Variants in IQGAP1 observed in about 807,000 individuals in gnomAD.
IQGAP1 encodes ras GTPase-activating-like protein IQGAP1.
Under a neutral mutation model 215.6 loss-of-function variants are expected in IQGAP1, and 66 were observed. The ratio of observed to expected loss-of-function variants is 0.31; its 90% CI spans 0.25 to 0.38. The LOEUF (loss-of-function observed/expected upper bound fraction) is 0.38, where lower values mean the gene tolerates loss of function less well. IQGAP1 is among the 10% of genes least tolerant of loss of function. The probability of loss-of-function intolerance (pLI) is 1.00; values close to 1 mark genes in which losing one functional copy is unlikely to be tolerated. For missense variants in IQGAP1, 1,712 were observed against 1,997.1 expected (o/e 0.86, Z 2.72); for synonymous variants, 772 against 728.7 (o/e 1.06, Z -0.96).
At chr15:90,451,948 G>C (rs1464683218) in intron 11 of IQGAP1, among the ~76,000 whole-genome samples, 1 of 151,678 alleles carries the variant, frequency 6.6e-6, no homozygotes, top group Non-Finnish European at 1.5e-5. Context: ...TCCTCTCTCA[G>C]CCTCCTGAGG....
In IQGAP1 at chr15:90,478,613, C is replaced by A. The variant is rs117499996; in HGVS notation, c.3329+724C>A. ...ATAAGGTGGTTAGGGAAAGCCTATC[C>A]CGGAAGATAAAATTTCATTTAGCTG... On this transcript the variant is annotated intron_variant, in intron 26 of 37. Transcript: ENST00000268182. 9.2e-5 allele frequency among the ~76,000 whole-genome samples: 14 copies of A among 152,138 alleles called. No individual in the cohort carries two copies. The East Asian group carries it at 1.5e-3, about 17-fold the overall frequency.
intron 11 of IQGAP1, among the ~76,000 whole-genome samples, chr15:90,450,381 G>A (rs1362028384): frequency 1.1e-5 from 1 of 91,014 alleles, no homozygotes; most frequent in Admixed American, 1.6e-4. Context: ...ATTCATTGAT[G>A]GACGCTTAGG....
In IQGAP1 at chr15:90,466,424, A is replaced by G. The variant is rs201622415; in HGVS notation, c.2023A>G (p.Lys675Glu). ...HSDLAEAKKKKLAVGDNNSKW... is the reference protein window; with the variant it reads ...HSDLAEAKKKELAVGDNNSKW... ...TGATCTTGCTGAAGCCAAGAAGAAA[A>G]AACTGGCAGTAGGTGAGTTCTGGGA... The change falls in exon 17 of 38, where the codon AAA becomes GAA. Residue 675 changes from lysine to glutamate, a missense_variant. Lys to Glu is a moderately conservative substitution (Grantham distance 56). Coordinates refer to ENST00000268182, the MANE Select transcript of IQGAP1 (RefSeq NM_003870.4). 1 of 1,614,078 alleles carries G rather than the reference A, an allele frequency of 6.2e-7. No individual in the cohort carries two copies. The highest frequency in any genetic ancestry group is 8.5e-7 in the Non-Finnish European group (1 of 1,179,988).
In IQGAP1 at chr15:90,491,486, G is replaced by A. The variant is rs886734325; in HGVS notation, c.4402G>A (p.Glu1468Lys). ...CCAGACAGGTTTAAAGAAGCTAACA[G>A]AGCTTGGAACCGTGGACCCAAAGAA... The part of the protein sequence containing the change: ...KIQTGLKKLT[E>K]LGTVDPKNKY... The change falls in exon 34 of 38, where the codon GAG becomes AAG. Residue 1468 changes from glutamate (E) to lysine (K), a missense_variant. Physicochemically the swap from Glu to Lys is moderately conservative, Grantham distance 56 (BLOSUM62 1). Around this residue, in one of 2 missense-constraint regions of IQGAP1, gnomAD observed 691 missense variants for 923.0 expected, o/e 0.75. Transcript: ENST00000268182. The A allele has an allele frequency of 8.1e-6, 13 of 1,614,062 alleles. No homozygotes were observed. Among genetic ancestry groups the A allele is most frequent in the Non-Finnish European group, 7.6e-6 (9 of 1,180,026 alleles).
chr15:90,388,486 G>T, intron 1 of IQGAP1, 90 bp downstream of exon 1: 2 of 1,152,922 alleles, frequency 1.7e-6, no homozygotes, highest in Admixed American at 3.3e-5. Flanking sequence ...CGGGCGGGTG[G>T]GGCAGGGCGG....
rs1376190534 is a variant in IQGAP1, at chr15:90,474,528, C to T, written c.2619C>T (p.Val873=). 18 of 1,614,036 alleles carry T rather than the reference C, an allele frequency of 1.1e-5. No individual in the cohort carries two copies. The highest frequency in any genetic ancestry group is 1.4e-5 in the Non-Finnish European group (16 of 1,180,028). ...CTATGGTTGTGGTCCGAAAATTTGT[C>T]CACCTGCTGGACCAAAGTGACCAGG... ...DPPMVVVRKF[V]HLLDQSDQDF... is the part of the protein sequence containing the mutation. Residue 873 remains valine (V), a synonymous_variant, in exon 23 of 38, where the codon GTC becomes GTT. Transcript: ENST00000268182.
intron 15 of IQGAP1, among the ~76,000 whole-genome samples, chr15:90,458,679 G>C (rs1211894233): frequency 6.6e-6 from 1 of 152,152 alleles, no homozygotes; most frequent in Non-Finnish European, 1.5e-5. Context: ...CTAATAAAAT[G>C]AATCAAAGAC....
intron 2 of IQGAP1, among the ~76,000 whole-genome samples, chr15:90,393,186 C>CAT (rs10701657): frequency 0.58 from 87,865 of 151,236 alleles, 27,449 homozygotes; most frequent in East Asian, 0.82. Context: ...GATCCAGACA[C>CAT]ATAGTAGTCC....
In IQGAP1 at chr15:90,463,818, G is replaced by T. The variant is rs73484510; in HGVS notation, c.1777-2183G>T. ...TCTTTCTAAAAGACTGCATTTAAGA[G>T]AAATCACTGCTTTCAATTTCAGATG... On this transcript the variant is annotated intron_variant, in intron 15 of 37. Coordinates refer to ENST00000268182, the MANE Select transcript of IQGAP1 (RefSeq NM_003870.4). 8.9e-3 allele frequency among the ~76,000 whole-genome samples: 1,352 copies of T among 152,296 alleles called. 23 individuals are homozygous for T. The highest frequency in any genetic ancestry group is 0.03 in the African/African-American group (1,234 of 41,548).
chr15:90,494,856 T>G, intron 36 of IQGAP1, 21 bp downstream of exon 36: 1 of 1,572,086 alleles, frequency 6.4e-7, no homozygotes, highest in Non-Finnish European at 8.6e-7. Flanking sequence ...GCTTTTTGTT[T>G]TATAAGTTGA....
chr15:90,452,741 C>A (rs778609528), intron 11 of IQGAP1, 34 bp from the exon 12 acceptor site: 21 of 1,609,336 alleles, frequency 1.3e-5, no homozygotes, highest in Non-Finnish European at 1.5e-5. Context: ...GCTCTCTAAG[C>A]CCACTGCGTT....
intron 9 of IQGAP1, among the ~76,000 whole-genome samples, chr15:90,445,250 T>G (rs1172666126): frequency 6.6e-6 from 1 of 152,102 alleles, no homozygotes; most frequent in African/African-American, 2.4e-5. Context: ...GTAGCGTTGT[T>G]AGACATATAA....
chr15:90,414,267 T>C (rs901724463), intron 2 of IQGAP1, among the ~76,000 whole-genome samples: 1 of 152,056 alleles, frequency 6.6e-6, no homozygotes, highest in African/African-American at 2.4e-5. Flanking sequence ...CAAGAATCTC[T>C]TGAGTTCAGG....
chr15:90,456,870 A>T (rs1203432492), intron 15 of IQGAP1, among the ~76,000 whole-genome samples: 1 of 150,120 alleles, frequency 6.7e-6, no homozygotes, highest in Non-Finnish European at 1.5e-5. Flanking sequence ...TCTGGGGGAC[A>T]GAGTAAGACT....
At position 90,474,901 on chromosome 15, in the gene IQGAP1, C is replaced by T. The variant is rs1965956275; in HGVS notation, c.2784+208C>T. ...CTCAGCTCACTGCAACCTCTGCCTC[C>T]CAGGTTCAAGCAATTCTCCTCCCTC... On this transcript the variant is annotated intron_variant, in intron 23 of 37. Coordinates refer to ENST00000268182, the MANE Select transcript of IQGAP1 (RefSeq NM_003870.4). 9 of 550,742 alleles carry T rather than the reference C, an allele frequency of 1.6e-5. No individual in the cohort carries two copies. In the East Asian group the frequency reaches 2.7e-4, roughly 17 times the overall value. The allele number at this position is 550,742 out of a possible 1,614,324, so 34.1% of individuals were successfully genotyped here.
In IQGAP1 at chr15:90,449,610, G is replaced by A. The variant is rs1228753431; in HGVS notation, c.1129G>A (p.Ala377Thr). 6.2e-7 allele frequency: 1 copy of A among 1,613,016 alleles called. No homozygotes were observed. Residue 377 changes from alanine to threonine, a missense_variant, in exon 11 of 38, where the codon GCT becomes ACT. Ala to Thr is a moderately conservative substitution (Grantham distance 58). Around this residue, in one of 2 missense-constraint regions of IQGAP1, gnomAD observed 1,021 missense variants for 1,074.2 expected, o/e 0.95. Transcript: ENST00000268182. ...GGAGGAGCTGCAGTCTGGAGTGGAT[G>A]CTGCAAACAGTGCTGCCCAGCAATA... is the stretch of plus-strand genomic sequence containing the variant. Reference protein sequence around the residue: ...QKEELQSGVDAANSAAQQYQR... With the variant: ...QKEELQSGVDTANSAAQQYQR...
chr15:90,443,325 A>C, intron 8 of IQGAP1, 69 bp from the exon 9 acceptor site: 3 of 876,128 alleles, frequency 3.4e-6, no homozygotes, highest in Non-Finnish European at 5.8e-6. Flanking sequence ...CAGGAGGAGC[A>C]CACGTGTATT....
chr15:90,422,664 A>ATATATATATG (rs1567121000), intron 2 of IQGAP1, among the ~76,000 whole-genome samples: 2 of 121,442 alleles, frequency 1.6e-5, no homozygotes, highest in Admixed American at 9.2e-5. Flanking sequence ...ATATATGTAT[A>ATATATATATG]TATATATATA....
intron 25 of IQGAP1, among the ~76,000 whole-genome samples, 178 bp downstream of exon 25, chr15:90,477,408 G>C (rs1349344353): frequency 6.6e-6 from 1 of 151,470 alleles, no homozygotes; most frequent in Non-Finnish European, 1.5e-5. Flanking sequence ...TCTAGGGAAG[G>C]GATAAATTAA....
Sources: allele counts gnomAD v4.1 joint callset (sites outside exome capture counted in the v4.1 genomes callset), GRCh38; gene constraint gnomAD v4.1.1; regional missense constraint gnomAD v4.1.1; transcripts MANE v1.5; gene names NCBI Gene and HGNC (gene_info 2026-07-23, HGNC 2026-07-21).